Variants in ZNF454 observed in about 807,000 individuals in gnomAD.
The protein encoded by ZNF454 is zinc finger protein 454.
A neutral mutation model predicts 48.2 loss-of-function variants in ZNF454; 30 were observed. The observed-to-expected ratio is 0.62, with a 90% CI of 0.47 to 0.84. The LOEUF (loss-of-function observed/expected upper bound fraction) is 0.84. ZNF454 is among the 40% of genes least tolerant of loss of function. The probability of loss-of-function intolerance (pLI) is 0.00; values close to 1 mark genes in which losing one functional copy is unlikely to be tolerated. For missense variants in ZNF454, 510 were observed against 623.1 expected (o/e 0.82, Z 1.93); for synonymous variants, 204 against 211.4 (o/e 0.97, Z 0.30).
At chr5:178,978,294 G>A in the ZNF454 span, 1 of 152,190 alleles carries the variant, frequency 6.6e-6, no homozygotes, top group Non-Finnish European at 1.5e-5. Context: ...AACAATATCT[G>A]TATAAAGAAG....
chr5:178,941,227 T>A lies in ZNF454; in HGVS notation c.-325T>A, dbSNP rs972146790. Reference sequence around the variant, plus strand: ...CCCGGCTGCAGACTCCAGCTCATTGTGTTCTGACTGCGATGTGGCGCTTGC... The same window carrying A: ...CCCGGCTGCAGACTCCAGCTCATTGAGTTCTGACTGCGATGTGGCGCTTGC... On this transcript the variant is annotated 5_prime_UTR_variant, in exon 1 of 5. Transcript: ENST00000519564. The surrounding 1 kb of genome is among the most constrained non-coding windows in gnomAD (Gnocchi z 5.5). The A allele has an allele frequency of 2.1e-5, 8 of 380,930 alleles. No individual in the cohort carries two copies. The highest frequency in any genetic ancestry group is 1.8e-4 in the Admixed American group (6 of 32,796). The allele number at this position is 380,930 out of a possible 1,614,324, so 23.6% of individuals were successfully genotyped here.
chr5:178,983,042 G>A, the ZNF454 span: 11 of 1,613,856 alleles, frequency 6.8e-6, no homozygotes, highest in African/African-American at 2.7e-5. Flanking sequence ...CCTTGATGGC[G>A]TACACTGTGC....
Position 178,946,411 on chromosome 5 carries a change from G to T in ZNF454, c.86G>T (p.Gly29Val), listed in dbSNP as rs773313656. Residue 29 changes from glycine to valine, a missense_variant, in exon 3 of 5, where the codon GGG (glycine) becomes GTG (valine). Gly to Val is a moderately radical substitution (Grantham distance 109). Coordinates refer to ENST00000519564, the MANE Select transcript of ZNF454 (RefSeq NM_001178089.3). This position sits in a 1 kb window ranked among gnomAD's most constrained non-coding sequence, Gnocchi z 4.5. ...ATACTGTTCACCCAGGAAGAGTGGG[G>T]GCAGCTGAGCCCCGCCCAGAGGGCC... Reference protein sequence around the residue: ...VAILFTQEEWGQLSPAQRALY... With the variant: ...VAILFTQEEWVQLSPAQRALY... The T allele has an allele frequency of 6.2e-7, 1 of 1,612,942 alleles. No homozygotes were observed. The highest frequency in any genetic ancestry group is 8.5e-7 in the Non-Finnish European group (1 of 1,179,554).
At chr5:178,950,079 C>A (rs1206438667) in intron 4 of ZNF454, among the ~76,000 whole-genome samples, 1 of 151,352 alleles carries the variant, frequency 6.6e-6, no homozygotes, top group African/African-American at 2.4e-5. Context: ...CACTATGTTG[C>A]CCAGGCTGGT....
the ZNF454 span, chr5:178,979,834 A>T: frequency 6.5e-6 from 1 of 154,122 alleles, no homozygotes; most frequent in African/African-American, 2.4e-5. Flanking sequence ...CACTGATCTC[A>T]GAGTTCATAC....
chr5:178,960,460 G>A (rs934833067), intron 4 of ZNF454, among the ~76,000 whole-genome samples: 2 of 149,826 alleles, frequency 1.3e-5, no homozygotes, highest in Non-Finnish European at 3.0e-5. Context: ...TTTCTCCTTG[G>A]TCAGGCTGGT....
At chr5:178,970,337 G>A (rs1001247764), downstream of ZNF454, among the ~76,000 whole-genome samples, 24 of 152,026 alleles carry the variant, frequency 1.6e-4, no homozygotes, top group African/African-American at 5.3e-4. Context: ...CTGCTTCTTG[G>A]CCCACCTCAA....
chr5:178,964,191 G>A (rs1261772891), intron 4 of ZNF454, among the ~76,000 whole-genome samples: 2 of 151,404 alleles, frequency 1.3e-5, no homozygotes, highest in Non-Finnish European at 2.9e-5. Context: ...CGCGATCTCG[G>A]CTCACTGCAA....
intron 4 of ZNF454, among the ~76,000 whole-genome samples, chr5:178,950,026 T>C (rs1169074491): frequency 3.3e-5 from 5 of 152,110 alleles, no homozygotes; most frequent in African/African-American, 4.8e-5. Flanking sequence ...TAATTAGTCA[T>C]GGTTTAGAAT....
At chr5:178,982,508 C>A in the ZNF454 span, among the ~76,000 whole-genome samples, 1 of 134,996 alleles carries the variant, frequency 7.4e-6, no homozygotes, top group African/African-American at 2.9e-5. Flanking sequence ...ACCCAGGAGG[C>A]GGAGCTTGCA....
chr5:178,945,736 G>A (rs1169210920), intron 2 of ZNF454, among the ~76,000 whole-genome samples: 1 of 151,670 alleles, frequency 6.6e-6, no homozygotes, highest in South Asian at 2.1e-4. Context: ...TTGAGGATGG[G>A]GAGGTACACA....
At chr5:178,981,521 C>T in the ZNF454 span, 1 of 670,274 alleles carries the variant, frequency 1.5e-6, no homozygotes, top group Non-Finnish European at 2.6e-6. This position sits in a 1 kb window ranked among gnomAD's most constrained non-coding sequence, Gnocchi z 5.1. Flanking sequence ...AGGCCAGCCC[C>T]ACCGACGCGG....
chr5:178,977,920 C>A, the ZNF454 span, among the ~76,000 whole-genome samples: 370 of 152,238 alleles, frequency 2.4e-3, 1 homozygote, highest in African/African-American at 8.6e-3. Context: ...TTCTCTACAC[C>A]CTTGCGTGCC....
chr5:178,978,921 C>T, the ZNF454 span: 1 of 152,094 alleles, frequency 6.6e-6, no homozygotes, highest in Non-Finnish European at 1.5e-5. Context: ...ACAGGAAAAT[C>T]TTTAGGGAGC....
intron 4 of ZNF454, among the ~76,000 whole-genome samples, chr5:178,955,972 CA>C (rs1759732807): frequency 1.3e-5 from 2 of 152,128 alleles, no homozygotes; most frequent in Admixed American, 1.3e-4. Context: ...AGTCTGCCTC[CA>C]GGGACTAAAC....
rs746569347 is a variant in ZNF454, at chr5:178,964,993, C to G, written c.589C>G (p.Gln197Glu). ...FSKSSTLNKHQKIHNEKNANQ... is the reference protein window; with the variant it reads ...FSKSSTLNKHEKIHNEKNANQ... ...TAAGAGTTCAACTCTTAATAAACAT[C>G]AGAAAATTCATAATGAAAAAAATGC... Residue 197 changes from glutamine to glutamate, a missense_variant, in exon 5 of 5, where the codon CAG becomes GAG. By Grantham distance (29) the Gln-to-Glu change is conservative. This residue lies in a region of ZNF454 where 354 missense variants were observed against 408.9 expected (regional missense o/e 0.87). Coordinates refer to ENST00000519564, the MANE Select transcript of ZNF454 (RefSeq NM_001178089.3). The G allele has an allele frequency of 4.3e-6, 7 of 1,613,948 alleles. No homozygotes were observed. The Admixed American group carries it at 1.2e-4, about 27-fold the overall frequency.
Position 178,965,865 on chromosome 5 carries a change from G to A in ZNF454, c.1461G>A (p.Gln487=), listed in dbSNP as rs13187000. 628 of 1,614,014 alleles carry A rather than the reference G, an allele frequency of 3.9e-4. No individual in the cohort carries two copies. The highest frequency in any genetic ancestry group is 4.9e-4 in the Middle Eastern group (3 of 6,080). The change falls in exon 5 of 5, where the codon CAG becomes CAA. Residue 487 remains glutamine (Q), a synonymous_variant. Coordinates refer to ENST00000519564, the MANE Select transcript of ZNF454 (RefSeq NM_001178089.3). This position sits in a 1 kb window ranked among gnomAD's most constrained non-coding sequence, Gnocchi z 5.2. ...GAAGCACTCACCTGACTCAACATCA[G>A]AGGATTCACACAGGAGAGAAACCCT... The part of the protein sequence containing the change: ...FIRSTHLTQH[Q]RIHTGEKPYK...
intron 4 of ZNF454, among the ~76,000 whole-genome samples, chr5:178,961,733 T>C (rs540606800): frequency 1.3e-5 from 2 of 150,388 alleles, no homozygotes; most frequent in Non-Finnish European, 1.5e-5. Context: ...GGCAGGAGAA[T>C]CGCTTGAATC....
chr5:178,978,898 T>A, the ZNF454 span: 1 of 152,030 alleles, frequency 6.6e-6, no homozygotes, highest in Non-Finnish European at 1.5e-5. Context: ...TTCAAACCCA[T>A]GCATGCAAAA....
Sources: gnomAD v4.1 joint callset for allele counts (sites outside exome capture counted in the v4.1 genomes callset) on GRCh38, gnomAD v4.1.1 for gene constraint, gnomAD v4.1.1 regional missense constraint, Gnocchi (gnomAD v3.1) non-coding constraint, MANE v1.5 for transcripts, NCBI Gene and HGNC (gene_info 2026-07-23, HGNC 2026-07-21) for gene names.